Variants in ESPNL observed in about 807,000 individuals in gnomAD.
ESPNL encodes the protein espin like, also known as espin-like protein.
Under a neutral mutation model 46.8 loss-of-function variants are expected in ESPNL, and 49 were observed. The ratio of observed to expected loss-of-function variants is 1.05; its 90% CI spans 0.83 to 1.33. ESPNL has a LOEUF of 1.33. Ranked by LOEUF, ESPNL falls within the 40% of genes most tolerant of loss-of-function variation. ESPNL has a pLI of 0.00. For missense variants in ESPNL, 1,540 were observed against 1,436.6 expected, an observed-to-expected ratio of 1.07 and a Z score of -1.16; for synonymous variants, 664 against 662.1, an observed-to-expected ratio of 1.00 and a Z score of -0.04.
At chr2:238,129,947 G>A (rs1692247449) in intron 8 of ESPNL, among the ~76,000 whole-genome samples, 181 bp from the exon 9 acceptor site, 1 of 152,270 alleles carries the variant, frequency 6.6e-6, no homozygotes, top group Non-Finnish European at 1.5e-5. Context: ...GTTGAGAGCA[G>A]AGCAAGACGG....
Position 238,100,729 on chromosome 2 carries a change from G to T in ESPNL, c.294+16G>T, listed in dbSNP as rs1220687879. 7.1e-7 allele frequency: 1 copy of T among 1,407,598 alleles called. No individual in the cohort carries two copies. Among genetic ancestry groups the T allele is most frequent in the Admixed American group, 3.2e-5 (1 of 31,058 alleles). 87.2% of individuals were successfully genotyped at this position (1,407,598 alleles called of 1,614,324 possible). On this transcript the variant is annotated intron_variant, in intron 1 of 8. Coordinates refer to ENST00000343063, the MANE Select transcript of ESPNL (RefSeq NM_194312.4). ...CGGTCTGCAGGTGAGCGGGGATGGGGCAGCCTGGCTCCACGAAGCTGGCTG... is the reference window on the plus strand; with the variant it reads ...CGGTCTGCAGGTGAGCGGGGATGGGTCAGCCTGGCTCCACGAAGCTGGCTG...
intron 4 of ESPNL, among the ~76,000 whole-genome samples, chr2:238,115,097 T>TGGCGGTTCTGGAGCTGATCTTGC (rs1177975363): frequency 2.0e-5 from 3 of 151,886 alleles, no homozygotes; most frequent in Non-Finnish European, 2.9e-5. Context: ...TCTGGTCTTG[T>TGGCGGTTCTGGAGCTGATCTTGC]GGCGGTTCTG....
chr2:238,106,560 A>C (rs981803462), intron 3 of ESPNL, among the ~76,000 whole-genome samples: 2 of 152,140 alleles, frequency 1.3e-5, no homozygotes, highest in Admixed American at 1.3e-4. Flanking sequence ...ACCCCAAAGG[A>C]AGCTCTCTGG....
chr2:238,129,946 A>G lies in ESPNL; in HGVS notation c.1414-182A>G, dbSNP rs1179133462. ...GGCTGAAAGCCACAGGGTTGAGAGC[A>G]GAGCAAGACGGGCAGAGCAGGTCAG... On this transcript the variant is annotated intron_variant, in intron 8 of 8. Transcript: ENST00000343063. Among the ~76,000 whole-genome samples the G allele has an allele frequency of 4.6e-5, 7 of 152,390 alleles. No individual in the cohort carries two copies. The East Asian group carries it at 1.2e-3, about 25-fold the overall frequency.
rs1691585588 is a variant in ESPNL, at chr2:238,105,860, G to T, written c.672+1018G>T. ...GCCTGCCCCCAGACCTCCCATGCTT[G>T]CCTGGGGCCTCCTGTCTCCTGGCTC... is the stretch of plus-strand genomic sequence containing the variant. On this transcript the variant is annotated intron_variant, in intron 3 of 8. Transcript: ENST00000343063. Among the ~76,000 whole-genome samples, 4 of 152,170 alleles carry T rather than the reference G, an allele frequency of 2.6e-5. No individual in the cohort carries two copies. In the South Asian group the frequency reaches 6.2e-4, roughly 24 times the overall value.
chr2:238,128,576 C>T (rs1357151864), intron 7 of ESPNL, 131 bp from the exon 8 acceptor site: 7 of 784,036 alleles, frequency 8.9e-6, no homozygotes, highest in Non-Finnish European at 1.2e-5. Flanking sequence ...GTGGCCCCCA[C>T]TGTCCCTCCT....
intron 5 of ESPNL, among the ~76,000 whole-genome samples, chr2:238,124,141 G>A (rs926696097): frequency 1.3e-5 from 2 of 152,232 alleles, no homozygotes; most frequent in African/African-American, 2.4e-5. Context: ...CTCCCACGAC[G>A]GGCCCTGGGC....
chr2:238,128,998 A>C, intron 8 of ESPNL, 94 bp downstream of exon 8: 1 of 1,458,804 alleles, frequency 6.9e-7, no homozygotes, highest in Non-Finnish European at 9.0e-7. Flanking sequence ...CCCAGAACTG[A>C]ATCCAAGACC....
At chr2:238,111,012 G>A (rs1197948640) in intron 4 of ESPNL, among the ~76,000 whole-genome samples, 1 of 145,106 alleles carries the variant, frequency 6.9e-6, no homozygotes, top group African/African-American at 2.5e-5. Flanking sequence ...GAGTGCAGAG[G>A]CTCGATCTCT....
intron 7 of ESPNL, 70 bp from the exon 8 acceptor site, chr2:238,128,637 T>C (rs1376966763): frequency 2.0e-6 from 3 of 1,476,020 alleles, no homozygotes; most frequent in Non-Finnish European, 2.8e-6. Flanking sequence ...CCCCACGTCC[T>C]CTCGGATCTT....
chr2:238,129,304 T>TG, intron 8 of ESPNL: 1 of 1,028,554 alleles, frequency 9.7e-7, no homozygotes, highest in African/African-American at 1.7e-5. Flanking sequence ...CTATGATATA[T>TG]GGGTGCTTAG....
chr2:238,107,998 G>A (rs1384643790), intron 4 of ESPNL, 25 bp downstream of exon 4: 28 of 1,593,618 alleles, frequency 1.8e-5, no homozygotes, highest in Non-Finnish European at 2.4e-5. Context: ...AGGGAGACAG[G>A]GTGAGCAGTC....
At chr2:238,124,574 CGT>C (rs138488751) in intron 5 of ESPNL, among the ~76,000 whole-genome samples, 30 of 149,348 alleles carry the variant, frequency 2.0e-4, no homozygotes, top group African/African-American at 5.9e-4. Context: ...CAGGAGAGTA[CGT>C]GTGTGTGTGT....
At chr2:238,124,760 AGT>A (rs780345632) in intron 5 of ESPNL, among the ~76,000 whole-genome samples, 3 of 146,068 alleles carry the variant, frequency 2.1e-5, no homozygotes, top group Admixed American at 6.8e-5. Context: ...TGTGCAGGAG[AGT>A]GTACATGCGT....
intron 6 of ESPNL, among the ~76,000 whole-genome samples, chr2:238,126,114 CTG>C (rs1325519684): frequency 2.0e-5 from 3 of 149,070 alleles, no homozygotes; most frequent in East Asian, 2.0e-4. Context: ...TTGTGTGTCT[CTG>C]TGATTGATTG....
chr2:238,132,577 AGGGCACCT>A lies in ESPNL; in HGVS notation c.*849_*856del, dbSNP rs1245623779. 6.6e-6 allele frequency: 1 copy of A among 152,384 alleles called. No homozygotes were observed. Among genetic ancestry groups the A allele is most frequent in the Non-Finnish European group, 1.5e-5 (1 of 68,138 alleles). 9.4% of individuals were successfully genotyped at this position (152,384 alleles called of 1,614,324 possible). A position where few individuals can be genotyped will look rare whatever the true frequency, so the allele number is the denominator to read the frequency against. On this transcript the variant is annotated 3_prime_UTR_variant, in exon 9 of 9. Transcript: ENST00000343063. ...CTCAGGGGGGCGTGGATACTCCGTG[AGGGCACCT>A]GGGTGTCACCCACAGTGCACCTCTT...
intron 5 of ESPNL, among the ~76,000 whole-genome samples, chr2:238,120,977 T>C (rs1216093016): frequency 3.3e-5 from 5 of 152,214 alleles, no homozygotes; most frequent in African/African-American, 9.6e-5. Flanking sequence ...CAGCAGCAGC[T>C]TGGGGAGCAA....
At chr2:238,103,678 G>GT (rs1236305744) in intron 2 of ESPNL, among the ~76,000 whole-genome samples, 9 of 152,194 alleles carry the variant, frequency 5.9e-5, no homozygotes, top group Admixed American at 4.6e-4. Context: ...TGCAGTCAAG[G>GT]ACACCTGGCA....
At chr2:238,107,647 G>C in intron 3 of ESPNL, 144 bp from the exon 4 acceptor site, 1 of 833,158 alleles carries the variant, frequency 1.2e-6, no homozygotes, top group Non-Finnish European at 1.8e-6. Flanking sequence ...TGCTCAGCCA[G>C]CCCTGTCCGG....
Sources: gnomAD v4.1 joint callset for allele counts (sites outside exome capture counted in the v4.1 genomes callset) on GRCh38, gnomAD v4.1.1 for gene constraint, MANE v1.5 for transcripts, NCBI Gene and HGNC (gene_info 2026-07-23, HGNC 2026-07-21) for gene names.